Variants in C8orf34 observed in about 807,000 individuals in gnomAD.
The protein encoded by C8orf34 is uncharacterized protein C8orf34.
Under a neutral mutation model 68.3 loss-of-function variants are expected in C8orf34, and 65 were observed. The observed-to-expected ratio is 0.95, with a 90% confidence interval of 0.78 to 1.17. C8orf34 has a LOEUF of 1.17. Ranked by LOEUF, C8orf34 falls within the 50% of genes most tolerant of loss-of-function variation. The pLI, the probability that C8orf34 is intolerant of heterozygous loss-of-function variation, is 0.00. For synonymous variants in C8orf34, 244 were observed against 241.2 expected (o/e 1.01, Z -0.11); for missense variants, 664 against 655.4 (o/e 1.01, Z -0.14).
chr8:68,612,859 T>G (rs1299807359), intron 7 of C8orf34, among the ~76,000 whole-genome samples: 1 of 152,168 alleles, frequency 6.6e-6, no homozygotes, highest in Non-Finnish European at 1.5e-5. Context: ...CTGTTTGAAT[T>G]AATAAATTTA....
chr8:68,633,393 T>A (rs755642667), intron 7 of C8orf34, among the ~76,000 whole-genome samples: 1 of 152,226 alleles, frequency 6.6e-6, no homozygotes, highest in Non-Finnish European at 1.5e-5. Context: ...TTTATTTTTC[T>A]TCTGGGATGG....
At position 68,398,259 on chromosome 8, in the gene C8orf34, A is replaced by C. The variant is rs142604975; in HGVS notation, c.328-41240A>C. 9.2e-5 allele frequency among the ~76,000 whole-genome samples: 14 copies of C among 152,316 alleles called. No homozygotes were observed. The East Asian group carries it at 2.5e-3, about 27-fold the overall frequency. On this transcript the variant is annotated intron_variant, in intron 1 of 13. Transcript: ENST00000518698. ...TTTATTTAGTCTTTTAGCCAACAGAAGTCTTCAGGGCCTCTTAATTTAAAA... is the reference window on the plus strand; with the variant it reads ...TTTATTTAGTCTTTTAGCCAACAGACGTCTTCAGGGCCTCTTAATTTAAAA...
intron 1 of C8orf34, among the ~76,000 whole-genome samples, chr8:68,378,680 A>G (rs960233379): frequency 1.3e-5 from 2 of 152,224 alleles, no homozygotes; most frequent in Non-Finnish European, 2.9e-5. Flanking sequence ...TAACCAATCA[A>G]CTTGAAGTCT....
intron 8 of C8orf34, among the ~76,000 whole-genome samples, chr8:68,672,973 C>G (rs565434159): frequency 5.2e-4 from 77 of 147,958 alleles, no homozygotes; most frequent in African/African-American, 1.8e-3. Context: ...TTTGAGGCCC[C>G]CATTCCAGGC....
At chr8:68,605,577 G>C (rs1431895838) in intron 7 of C8orf34, among the ~76,000 whole-genome samples, 1 of 152,074 alleles carries the variant, frequency 6.6e-6, no homozygotes, top group Non-Finnish European at 1.5e-5. Context: ...GCAGCGAAGA[G>C]GAGGAGACAC....
intron 8 of C8orf34, among the ~76,000 whole-genome samples, chr8:68,675,569 T>C (rs1303404339): frequency 7.1e-6 from 1 of 140,024 alleles, no homozygotes; most frequent in African/African-American, 2.6e-5. Flanking sequence ...TAATCTCAAA[T>C]AAAAAAAAAA....
At chr8:68,536,198 T>G (rs1255518852) in intron 7 of C8orf34, among the ~76,000 whole-genome samples, 1 of 151,490 alleles carries the variant, frequency 6.6e-6, no homozygotes, top group Non-Finnish European at 1.5e-5. Flanking sequence ...CTGGGAAACA[T>G]GACGAAACCT....
chr8:68,676,357 A>G (rs1820190609), intron 8 of C8orf34, among the ~76,000 whole-genome samples: 2 of 152,034 alleles, frequency 1.3e-5, no homozygotes, highest in South Asian at 4.2e-4. Context: ...AATGCACCTA[A>G]CTCTAGAGCA....
intron 13 of C8orf34, among the ~76,000 whole-genome samples, chr8:68,817,524 T>A (rs544874211): frequency 1.3e-5 from 2 of 152,232 alleles, no homozygotes; most frequent in Admixed American, 1.3e-4. Context: ...TCAGGTAATG[T>A]GAGTAAGATG....
In C8orf34 at chr8:68,711,589, T is replaced by G. The variant is rs898802860; in HGVS notation, c.1327+2510T>G. On this transcript the variant is annotated intron_variant, in intron 9 of 13. Coordinates refer to ENST00000518698, the MANE Select transcript of C8orf34 (RefSeq NM_052958.4). ...GAACTCCAGAGCTCAAAGACAAGGC[T>G]TTTCAATTAACCCAATCCATCAAAG... Among the ~76,000 whole-genome samples the G allele has an allele frequency of 9.9e-5, 15 of 152,070 alleles. No homozygotes were observed. In the East Asian group the frequency reaches 1.6e-3, roughly 16 times the overall value.
chr8:68,806,773 T>C (rs1381886632), intron 12 of C8orf34, among the ~76,000 whole-genome samples: 1 of 152,220 alleles, frequency 6.6e-6, no homozygotes, highest in Non-Finnish European at 1.5e-5. Flanking sequence ...TTGGTTCCTT[T>C]TCCATTCAGC....
chr8:68,337,918 G>A (rs991071192), intron 1 of C8orf34, among the ~76,000 whole-genome samples: 12 of 152,142 alleles, frequency 7.9e-5, no homozygotes, highest in Non-Finnish European at 1.6e-4. Flanking sequence ...CAAGAGTGCT[G>A]GAACATAAGA....
intron 7 of C8orf34, among the ~76,000 whole-genome samples, chr8:68,601,477 TTTA>T: frequency 6.6e-6 from 1 of 152,142 alleles, no homozygotes; most frequent in Non-Finnish European, 1.5e-5. Flanking sequence ...GTTTACTGAT[TTTA>T]TTCTCTGTCA....
At chr8:68,420,531 GCA>G (rs35400598) in intron 1 of C8orf34, among the ~76,000 whole-genome samples, 92 of 149,550 alleles carry the variant, frequency 6.2e-4, no homozygotes, top group Non-Finnish European at 1.2e-3. Context: ...GCAACATGTG[GCA>G]CACACACACA....
At chr8:68,653,285 T>C (rs1338754026) in intron 8 of C8orf34, among the ~76,000 whole-genome samples, 1 of 152,210 alleles carries the variant, frequency 6.6e-6, no homozygotes, top group African/African-American at 2.4e-5. Flanking sequence ...TCACCAATGA[T>C]TTGTAGCCAA....
intron 8 of C8orf34, among the ~76,000 whole-genome samples, chr8:68,651,423 C>T (rs770613259): frequency 6.6e-6 from 1 of 152,168 alleles, no homozygotes; most frequent in Non-Finnish European, 1.5e-5. Context: ...GGCCTTCATT[C>T]AGGGTAAACT....
chr8:68,645,786 A>C lies in C8orf34; in HGVS notation c.1241+5275A>C, dbSNP rs575191436. Among the ~76,000 whole-genome samples, 641 of 151,946 alleles carry C rather than the reference A, an allele frequency of 4.2e-3. 5 individuals carry two copies. The highest frequency in any genetic ancestry group is 7.7e-3 in the Non-Finnish European group (526 of 67,942). On this transcript the variant is annotated intron_variant, in intron 8 of 13. Coordinates refer to ENST00000518698, the MANE Select transcript of C8orf34 (RefSeq NM_052958.4). ...CTAGTTAATGTAAAAAGTGGAGTCCACTCTTCAGATTTTTATTTTCCTTAA... is the reference window on the plus strand; with the variant it reads ...CTAGTTAATGTAAAAAGTGGAGTCCCCTCTTCAGATTTTTATTTTCCTTAA...
intron 10 of C8orf34, among the ~76,000 whole-genome samples, chr8:68,755,994 G>C (rs887562093): frequency 6.6e-6 from 1 of 151,986 alleles, no homozygotes; most frequent in East Asian, 1.9e-4. Context: ...GTGAACCCGG[G>C]AGGCGGAGCT....
At chr8:68,421,006 AC>A (rs2129623552) in intron 1 of C8orf34, among the ~76,000 whole-genome samples, 1 of 152,294 alleles carries the variant, frequency 6.6e-6, no homozygotes, top group South Asian at 2.1e-4. Flanking sequence ...TTGAAGAGAT[AC>A]TAGCTGAGGA....
Sources: gnomAD v4.1 joint callset for allele counts (sites outside exome capture counted in the v4.1 genomes callset) on GRCh38, gnomAD v4.1.1 for gene constraint, MANE v1.5 for transcripts, NCBI Gene and HGNC (gene_info 2026-07-23, HGNC 2026-07-21) for gene names.